The following PYGL variants were observed in gnomAD, a reference collection of about 807,000 sequenced individuals.
The protein encoded by PYGL is glycogen phosphorylase L, also known as glycogen phosphorylase, liver form.
PYGL carries 90 observed loss-of-function variants against 100.1 expected under a neutral mutation model. The ratio of observed to expected loss-of-function variants is 0.90; its 90% CI spans 0.76 to 1.07. The LOEUF (loss-of-function observed/expected upper bound fraction) is 1.07, where lower values mean the gene tolerates loss of function less well. Among genes scored for constraint, PYGL ranks in the 50% least tolerant of loss-of-function variants. The pLI is 0.00. For synonymous variants in PYGL, 373 were observed against 393.0 expected (o/e 0.95, Z 0.60); for missense variants, 1,016 against 1,057.6 (o/e 0.96, Z 0.55).
Position 50,908,970 on chromosome 14 carries a change from T to TGGGGGG in PYGL, c.2178-16_2178-15insCCCCCC. 1.7e-6 allele frequency: 2 copies of TGGGGGG among 1,186,356 alleles called. No individual in the cohort carries two copies. Among genetic ancestry groups the TGGGGGG allele is most frequent in the African/African-American group, 1.7e-5 (1 of 58,158 alleles). The allele number at this position is 1,186,356 out of a possible 1,614,324, so 73.5% of individuals were successfully genotyped here. ...TTGCCTCGTACCTGTGGGGTAGGGG[T>TGGGGGG]GGGTGGGTGATAAAAAAAGGCTCTG... On this transcript the variant is annotated splice_polypyrimidine_tract_variant and intron_variant, in intron 17 of 19. Transcript: ENST00000216392.
intron 6 of PYGL, 99 bp from the exon 7 acceptor site, chr14:50,920,722 C>T (rs1437178084): frequency 1.3e-5 from 16 of 1,258,608 alleles, no homozygotes; most frequent in Admixed American, 3.6e-5. Flanking sequence ...ATGTGGGATT[C>T]CTAAAATTCC....
rs762756014 is a variant in PYGL, at chr14:50,910,120, TA to T, written c.1970-19del. ...TGGAATGACTGCAAGAAAGGTAAGT[TA>T]AAATTAGTAATTTTGTCTGTCTAGA... On this transcript the variant is annotated intron_variant, in intron 16 of 19. Coordinates refer to ENST00000216392, the MANE Select transcript of PYGL (RefSeq NM_002863.5). 4.4e-6 allele frequency: 7 copies of T among 1,600,810 alleles called. No individual in the cohort carries two copies. Among genetic ancestry groups the T allele is most frequent in the Admixed American group, 3.3e-5 (2 of 59,996 alleles).
At chr14:50,913,995 C>A (rs1165660674) in intron 12 of PYGL, among the ~76,000 whole-genome samples, 1 of 151,990 alleles carries the variant, frequency 6.6e-6, no homozygotes, top group Non-Finnish European at 1.5e-5. Context: ...AGCCATCACA[C>A]CCGGCCAGCT....
intron 19 of PYGL, among the ~76,000 whole-genome samples, chr14:50,906,170 A>G (rs1397647829): frequency 6.6e-6 from 1 of 152,220 alleles, no homozygotes; most frequent in Non-Finnish European, 1.5e-5. Context: ...AAAATCTCAT[A>G]ATTTTTATAT....
chr14:50,939,655 C>T (rs1002177294), intron 1 of PYGL, among the ~76,000 whole-genome samples: 2 of 151,642 alleles, frequency 1.3e-5, no homozygotes, highest in Non-Finnish European at 2.9e-5. Flanking sequence ...CATCTATCCT[C>T]TCTTCTCTAC....
chr14:50,932,277 A>T (rs2050608546), intron 3 of PYGL, among the ~76,000 whole-genome samples: 1 of 152,204 alleles, frequency 6.6e-6, no homozygotes, highest in South Asian at 2.1e-4. Context: ...TGGCTAATGG[A>T]ATTCCACTGT....
At chr14:50,935,527 A>C (rs568640895) in intron 2 of PYGL, among the ~76,000 whole-genome samples, 1 of 152,344 alleles carries the variant, frequency 6.6e-6, no homozygotes, top group South Asian at 2.1e-4. Flanking sequence ...GATTGCCGTG[A>C]ATTAAATGAG....
Position 50,908,894 on chromosome 14 carries a change from C to G in PYGL, c.2239G>C (p.Asp747His). The G allele has an allele frequency of 2.1e-6, 3 of 1,450,654 alleles. No homozygotes were observed. The highest frequency in any genetic ancestry group is 1.9e-6 in the Non-Finnish European group (2 of 1,070,826). 89.9% of individuals were successfully genotyped at this position (1,450,654 alleles called of 1,614,324 possible). A position where few individuals can be genotyped will look rare whatever the true frequency, so the allele number is the denominator to read the frequency against. ...PELKLVIDQIDNGFFSPKQPD... is the reference protein window; with the variant it reads ...PELKLVIDQIHNGFFSPKQPD... ...TGCTTGGGAGAAAAAAAGCCATTGT[C>G]AATTTGATCAATGACCAGCTTCAGC... is the stretch of plus-strand genomic sequence containing the variant. Residue 747 changes from aspartate to histidine, a missense_variant, in exon 18 of 20, where the codon GAC (aspartate) becomes CAC (histidine). Asp to His is a moderately conservative substitution (Grantham distance 81). Transcript: ENST00000216392.
chr14:50,931,651 T>G (rs2050601799), intron 4 of PYGL, 22 bp downstream of exon 4: 1 of 1,593,512 alleles, frequency 6.3e-7, no homozygotes, highest in East Asian at 2.2e-5. Flanking sequence ...AATGACAAAA[T>G]TTAAAAAGAT....
At chr14:50,915,564 G>C (rs2050439273) in intron 10 of PYGL, 65 bp from the exon 11 acceptor site, 1 of 1,592,878 alleles carries the variant, frequency 6.3e-7, no homozygotes. Flanking sequence ...GGATAACGCT[G>C]TTCATGTCTT....
intron 4 of PYGL, among the ~76,000 whole-genome samples, chr14:50,927,374 G>A (rs376136108): frequency 8.5e-5 from 13 of 152,126 alleles, no homozygotes; most frequent in South Asian, 4.2e-4. Flanking sequence ...ACAGGTGCCC[G>A]CCACCACACA....
chr14:50,910,356 A>G (rs1203216940), intron 16 of PYGL, among the ~76,000 whole-genome samples: 2 of 152,186 alleles, frequency 1.3e-5, no homozygotes, highest in African/African-American at 4.8e-5. Context: ...TGCGACAAAC[A>G]TTGATACTAC....
chr14:50,915,603 AACTTC>A, intron 10 of PYGL, 104 bp from the exon 11 acceptor site: 1 of 1,487,760 alleles, frequency 6.7e-7, no homozygotes, highest in African/African-American at 1.4e-5. Flanking sequence ...ACTCAATATA[AACTTC>A]ACTACCACAG....
intron 3 of PYGL, among the ~76,000 whole-genome samples, chr14:50,934,404 G>A (rs1446902923): frequency 6.6e-6 from 1 of 152,098 alleles, no homozygotes; most frequent in Non-Finnish European, 1.5e-5. Flanking sequence ...ACACAAGGAT[G>A]TGAATTGAGA....
chr14:50,932,377 A>C (rs1349413189), intron 3 of PYGL, among the ~76,000 whole-genome samples: 1 of 152,232 alleles, frequency 6.6e-6, no homozygotes, highest in Non-Finnish European at 1.5e-5. Flanking sequence ...AGCCAATCAT[A>C]GCAATTGTAT....
rs1024699764 is a variant in PYGL at position 50,915,722 on chromosome 14, A to G, written c.1239+103T>C. The G allele has an allele frequency of 4.0e-6, 6 of 1,498,446 alleles. No homozygotes were observed. The African/African-American group carries it at 8.3e-5, about 21-fold the overall frequency. 92.8% of individuals were successfully genotyped at this position (1,498,446 alleles called of 1,614,324 possible). ...GTTCGGACTTGAGTACTTTTGCTGTATCAATGATTGAAAGATGTTTGGTAA... is the reference window on the plus strand; with the variant it reads ...GTTCGGACTTGAGTACTTTTGCTGTGTCAATGATTGAAAGATGTTTGGTAA... On this transcript the variant is annotated intron_variant, in intron 10 of 19. Coordinates refer to ENST00000216392, the MANE Select transcript of PYGL (RefSeq NM_002863.5).
intron 7 of PYGL, 59 bp downstream of exon 7, chr14:50,920,482 A>T: frequency 6.9e-7 from 1 of 1,449,800 alleles, no homozygotes; most frequent in Non-Finnish European, 9.7e-7. Context: ...GTTACTGAAC[A>T]GGCTCTTGTG....
In PYGL at chr14:50,920,634, G is replaced by C; in HGVS notation, c.773-11C>G. 1 of 1,599,032 alleles carries C rather than the reference G, an allele frequency of 6.3e-7. No individual in the cohort carries two copies. Among genetic ancestry groups the C allele is most frequent in the Non-Finnish European group, 8.6e-7 (1 of 1,166,364 alleles). ...AGTCTCCAACATTAACTAGGGGAAAGTTAGAGAAACAATAAATAGAGAAAC... is the reference window on the plus strand; with the variant it reads ...AGTCTCCAACATTAACTAGGGGAAACTTAGAGAAACAATAAATAGAGAAAC... On this transcript the variant is annotated splice_polypyrimidine_tract_variant and intron_variant, in intron 6 of 19. Transcript: ENST00000216392.
chr14:50,932,455 G>C (rs2139191833), intron 3 of PYGL, among the ~76,000 whole-genome samples: 1 of 152,308 alleles, frequency 6.6e-6, no homozygotes, highest in Middle Eastern at 3.4e-3. Context: ...GTTGGGTATA[G>C]GAGAATTCTG....
Sources: allele counts gnomAD v4.1 joint callset (sites outside exome capture counted in the v4.1 genomes callset), GRCh38; gene constraint gnomAD v4.1.1; transcripts MANE v1.5; gene names NCBI Gene and HGNC (gene_info 2026-07-23, HGNC 2026-07-21).